The following RAD51 variants were observed in gnomAD, a reference collection of about 807,000 sequenced individuals.
The protein encoded by RAD51 is DNA repair protein RAD51 homolog 1.
In RAD51, 14 loss-of-function variants were observed where a neutral mutation model predicts 41.5. That is an observed-to-expected ratio of 0.34 (90% CI 0.22 to 0.53). RAD51 has a LOEUF of 0.53. RAD51 is among the 20% of genes least tolerant of loss of function. The pLI is 0.95. For synonymous variants in RAD51, 136 were observed against 148.6 expected, an observed-to-expected ratio of 0.92 and a Z score of 0.62; for missense variants, 234 against 422.0, an observed-to-expected ratio of 0.55 and a Z score of 3.90.
chr15:40,702,759 C>G (rs1273298193), intron 3 of RAD51, among the ~76,000 whole-genome samples: 1 of 151,292 alleles, frequency 6.6e-6, no homozygotes, highest in Non-Finnish European at 1.5e-5. Flanking sequence ...CTCAAGCAAT[C>G]TGCCCACCTC....
intron 5 of RAD51, among the ~76,000 whole-genome samples, chr15:40,709,949 G>C (rs1426202015): frequency 6.6e-6 from 1 of 151,374 alleles, no homozygotes; most frequent in Non-Finnish European, 1.5e-5. Flanking sequence ...GATCACTTGA[G>C]ATCAAGAGTT....
intron 1 of RAD51, among the ~76,000 whole-genome samples, chr15:40,697,574 CTTTT>C (rs11340353): frequency 2.3e-4 from 24 of 105,514 alleles, no homozygotes; most frequent in Admixed American, 6.7e-4. Context: ...GATGATATTT[CTTTT>C]TTTTTTTTTT....
chr15:40,708,474 C>T (rs938967719), intron 4 of RAD51, among the ~76,000 whole-genome samples: 13 of 151,950 alleles, frequency 8.6e-5, no homozygotes, highest in Admixed American at 2.6e-4. Flanking sequence ...GTGATCAGCC[C>T]GCCTCGGCCC....
chr15:40,715,770 C>T (rs1218697037), intron 5 of RAD51, among the ~76,000 whole-genome samples: 1 of 152,194 alleles, frequency 6.6e-6, no homozygotes. Flanking sequence ...CCAAGGAAGT[C>T]TATTCAATTG....
At chr15:40,716,227 AG>A (rs1567047185) in intron 5 of RAD51, among the ~76,000 whole-genome samples, 1 of 152,230 alleles carries the variant, frequency 6.6e-6, no homozygotes, top group Non-Finnish European at 1.5e-5. Flanking sequence ...TTTACAGAAA[AG>A]GAAACAATAT....
At chr15:40,723,876 A>T (rs561052801) in intron 6 of RAD51, among the ~76,000 whole-genome samples, 30 of 152,316 alleles carry the variant, frequency 2.0e-4, no homozygotes, top group African/African-American at 7.2e-4. Context: ...AAAGTTTTTA[A>T]ATACATCCTC....
chr15:40,721,853 A>G (rs924952555), intron 6 of RAD51, among the ~76,000 whole-genome samples: 2 of 152,212 alleles, frequency 1.3e-5, no homozygotes, highest in Non-Finnish European at 2.9e-5. Flanking sequence ...AGAATTGAAA[A>G]CAGGAACTCA....
chr15:40,719,277 TCA>T (rs2141858630), intron 6 of RAD51, among the ~76,000 whole-genome samples: 1 of 151,980 alleles, frequency 6.6e-6, no homozygotes, highest in Non-Finnish European at 1.5e-5. Context: ...CAGGCTGGTC[TCA>T]GACTCCTGAC....
intron 3 of RAD51, among the ~76,000 whole-genome samples, chr15:40,703,829 A>T (rs771963174): frequency 2.0e-5 from 3 of 151,482 alleles, no homozygotes; most frequent in Non-Finnish European, 2.9e-5. Flanking sequence ...AATAGTTTCT[A>T]CCCTAACCTG....
intron 5 of RAD51, among the ~76,000 whole-genome samples, chr15:40,717,515 G>A (rs182021943): frequency 2.0e-5 from 3 of 152,236 alleles, no homozygotes; most frequent in African/African-American, 7.2e-5. Flanking sequence ...TATCTGGTAT[G>A]GAATGGGTAG....
intron 5 of RAD51, among the ~76,000 whole-genome samples, chr15:40,716,220 A>G (rs979262944): frequency 5.9e-5 from 9 of 152,202 alleles, no homozygotes; most frequent in East Asian, 3.8e-4. Flanking sequence ...TTTACATTTT[A>G]CAGAAAAGGA....
At chr15:40,726,399 G>T (rs1462286182) in intron 6 of RAD51, among the ~76,000 whole-genome samples, 1 of 151,690 alleles carries the variant, frequency 6.6e-6, no homozygotes, top group Non-Finnish European at 1.5e-5. Flanking sequence ...TTACATGCGT[G>T]CACCACCACA....
intron 6 of RAD51, among the ~76,000 whole-genome samples, chr15:40,723,264 G>A (rs186598591): frequency 1.3e-5 from 2 of 152,214 alleles, no homozygotes; most frequent in East Asian, 3.9e-4. Flanking sequence ...ATATACAACG[G>A]TGGTCTCTTT....
chr15:40,728,011 C>T (rs1183093566), intron 6 of RAD51, among the ~76,000 whole-genome samples: 1 of 152,026 alleles, frequency 6.6e-6, no homozygotes, highest in Non-Finnish European at 1.5e-5. Context: ...AGGTGCCTGC[C>T]ACCACGCCCG....
chr15:40,710,284 A>G (rs1176866786), intron 5 of RAD51, among the ~76,000 whole-genome samples: 2 of 148,288 alleles, frequency 1.3e-5, no homozygotes, highest in East Asian at 2.0e-4. Context: ...GAAGAAAAAA[A>G]AAAGATCAGG....
In RAD51 at chr15:40,728,842, G is replaced by C. The variant is rs372967279; in HGVS notation, c.644+18G>C. On this transcript the variant is annotated intron_variant, in intron 7 of 9. Coordinates refer to ENST00000267868, the MANE Select transcript of RAD51 (RefSeq NM_002875.5). ...GAATCTAGGTATGTGTTCAGTATAA[G>C]ACACCAAATATGTTCTTAAGAGTCC... 1.0e-4 allele frequency: 163 copies of C among 1,580,602 alleles called. No homozygotes were observed. The African/African-American group carries it at 2.0e-3, about 19-fold the overall frequency.
chr15:40,700,463 A>T (rs1241924788), intron 2 of RAD51, among the ~76,000 whole-genome samples: 3 of 152,166 alleles, frequency 2.0e-5, no homozygotes, highest in African/African-American at 7.2e-5. Context: ...ACAGTTTTTT[A>T]TGTGTGCTTG....
intron 6 of RAD51, among the ~76,000 whole-genome samples, chr15:40,721,782 C>A (rs1896284098): frequency 6.6e-6 from 1 of 152,126 alleles, no homozygotes; most frequent in Admixed American, 6.5e-5. Flanking sequence ...TGTGGTCATT[C>A]CTCAAAAAAT....
chr15:40,716,965 G>T (rs948871665), intron 5 of RAD51, among the ~76,000 whole-genome samples: 1 of 151,524 alleles, frequency 6.6e-6, no homozygotes, highest in Non-Finnish European at 1.5e-5. Flanking sequence ...CCTGGCCTCC[G>T]GCCCTCTACT....
Sources: gnomAD v4.1 joint callset for allele counts (sites outside exome capture counted in the v4.1 genomes callset) on GRCh38, gnomAD v4.1.1 for gene constraint, MANE v1.5 for transcripts, NCBI Gene and HGNC (gene_info 2026-07-23, HGNC 2026-07-21) for gene names.